VWA8: variants seen among roughly 807,000 people sequenced by gnomAD.
VWA8 encodes the protein von Willebrand factor A domain containing 8, also known as von Willebrand factor A domain-containing protein 8.
A neutral mutation model predicts 241.5 loss-of-function variants in VWA8; 221 were observed. The ratio of observed to expected loss-of-function variants is 0.91; its 90% CI spans 0.82 to 1.02. VWA8 has a LOEUF of 1.02. Among genes scored for constraint, VWA8 ranks in the 50% least tolerant of loss-of-function variants. The pLI, the probability that VWA8 is intolerant of heterozygous loss-of-function variation, is 0.00. For synonymous variants in VWA8, 852 were observed against 827.1 expected (o/e 1.03, Z -0.52); for missense variants, 2,322 against 2,328.7 (o/e 1.00, Z 0.06).
intron 44 of VWA8, 129 bp from the exon 45 acceptor site, chr13:41,568,434 C>T (rs1380644499): frequency 3.2e-6 from 2 of 623,090 alleles, no homozygotes; most frequent in Non-Finnish European, 5.7e-6. Context: ...ATACCTTGCT[C>T]TCTGCCTACC....
At chr13:41,572,093 G>T (rs2044310314) in intron 43 of VWA8, among the ~76,000 whole-genome samples, 1 of 150,854 alleles carries the variant, frequency 6.6e-6, no homozygotes, top group Non-Finnish European at 1.5e-5. Context: ...TCTGAGCAGT[G>T]AGGAGCCCCT....
intron 20 of VWA8, among the ~76,000 whole-genome samples, chr13:41,772,391 A>C (rs1255077811): frequency 6.6e-6 from 1 of 152,200 alleles, no homozygotes; most frequent in Non-Finnish European, 1.5e-5. Context: ...ACTGGTTAGA[A>C]AATAAATAGC....
intron 12 of VWA8, among the ~76,000 whole-genome samples, chr13:41,852,753 AAACT>A (rs1280370706): frequency 1.3e-5 from 2 of 152,148 alleles, no homozygotes; most frequent in African/African-American, 2.4e-5. Flanking sequence ...CCTTTGTTGA[AAACT>A]AACTAGCCAT....
Position 41,754,068 on chromosome 13 carries a change from T to C in VWA8, c.2426+7060A>G, listed in dbSNP as rs1041867050. Among the ~76,000 whole-genome samples, 19 of 152,198 alleles carry C rather than the reference T, an allele frequency of 1.2e-4. 1 individual carries two copies. The highest frequency in any genetic ancestry group is 4.3e-4 in the African/African-American group (18 of 41,532). ...AAAAAATTCCCCACACTGAAATTAG[T>C]AGGAGTGTCAGTCTAGTCAGTAAAA... On this transcript the variant is annotated intron_variant, in intron 21 of 44. Coordinates refer to ENST00000379310, the MANE Select transcript of VWA8 (RefSeq NM_015058.2).
chr13:41,656,431 G>A (rs959985093), intron 37 of VWA8, among the ~76,000 whole-genome samples: 4 of 152,074 alleles, frequency 2.6e-5, no homozygotes, highest in Non-Finnish European at 5.9e-5. Flanking sequence ...ATATGAGTGA[G>A]CTCTTTTTCT....
chr13:41,795,046 T>C (rs1319959009), intron 17 of VWA8, among the ~76,000 whole-genome samples: 5 of 152,126 alleles, frequency 3.3e-5, no homozygotes, highest in Non-Finnish European at 7.4e-5. Flanking sequence ...TTTTGCAATC[T>C]ATCCATCTGA....
At chr13:41,921,467 G>C (rs891750172) in intron 2 of VWA8, among the ~76,000 whole-genome samples, 1 of 152,148 alleles carries the variant, frequency 6.6e-6, no homozygotes, top group Non-Finnish European at 1.5e-5. Context: ...GAAATTAAGG[G>C]TATTCGATTA....
Position 41,691,408 on chromosome 13 carries a change from T to G in VWA8, c.3778A>C (p.Thr1260Pro). The G allele has an allele frequency of 2.5e-6, 4 of 1,612,728 alleles. No individual in the cohort carries two copies. The highest frequency in any genetic ancestry group is 3.4e-6 in the Non-Finnish European group (4 of 1,179,058). ...TTGATGGGAAGTGAGATGGTGTGAG[T>G]TCGCCCTTCTAGAACATCCAGCACA... ...LTVLDVLEGR[T>P]HTISLPINLK... Residue 1260 changes from threonine to proline, a missense_variant, in exon 32 of 45, where the codon ACT (threonine) becomes CCT (proline). Physicochemically the swap from Thr to Pro is conservative, Grantham distance 38 (BLOSUM62 -1). Coordinates refer to ENST00000379310, the MANE Select transcript of VWA8 (RefSeq NM_015058.2).
intron 17 of VWA8, among the ~76,000 whole-genome samples, chr13:41,799,484 A>G (rs141974868): frequency 6.6e-6 from 1 of 152,272 alleles, no homozygotes; most frequent in East Asian, 1.9e-4. Flanking sequence ...GGAGACAGTA[A>G]GCTTTCTCAT....
intron 24 of VWA8, 39 bp from the exon 25 acceptor site, chr13:41,721,614 A>G (rs762858904): frequency 1.9e-6 from 3 of 1,566,328 alleles, no homozygotes; most frequent in Non-Finnish European, 1.7e-6. Flanking sequence ...TATGCAACAA[A>G]TCCATTACGA....
intron 1 of VWA8, among the ~76,000 whole-genome samples, chr13:41,953,496 A>G (rs1045802123): frequency 3.9e-5 from 6 of 152,192 alleles, no homozygotes; most frequent in African/African-American, 1.4e-4. Flanking sequence ...CTGGACCATA[A>G]AGCAAGTCTC....
At chr13:41,611,364 T>C (rs1314345321) in intron 39 of VWA8, among the ~76,000 whole-genome samples, 1 of 152,208 alleles carries the variant, frequency 6.6e-6, no homozygotes, top group Non-Finnish European at 1.5e-5. Context: ...ATTTGAGCTT[T>C]AGATTTTAAG....
At chr13:41,749,247 T>C (rs1367988160) in intron 21 of VWA8, among the ~76,000 whole-genome samples, 1 of 152,004 alleles carries the variant, frequency 6.6e-6, no homozygotes, top group Non-Finnish European at 1.5e-5. Context: ...AAAAGACACA[T>C]GAAAAAGTGC....
chr13:41,617,720 A>G (rs1002058279), intron 37 of VWA8, among the ~76,000 whole-genome samples: 3 of 151,402 alleles, frequency 2.0e-5, no homozygotes, highest in Non-Finnish European at 4.4e-5. Flanking sequence ...ATTCCTACCT[A>G]TGAGTGAGAA....
intron 26 of VWA8, 39 bp downstream of exon 26, chr13:41,719,552 C>T (rs2045368802): frequency 6.2e-7 from 1 of 1,607,536 alleles, no homozygotes; most frequent in Admixed American, 1.7e-5. Flanking sequence ...CAAGAACTAT[C>T]AGCATTTAAG....
chr13:41,746,216 A>G (rs978376284), intron 21 of VWA8, among the ~76,000 whole-genome samples: 9 of 152,216 alleles, frequency 5.9e-5, no homozygotes, highest in Non-Finnish European at 2.9e-5. Context: ...TCAAACTAAA[A>G]AAGTAAATAA....
At chr13:41,896,807 A>G (rs7335919) in intron 4 of VWA8, among the ~76,000 whole-genome samples, 49,535 of 151,974 alleles carry the variant, frequency 0.33, 8,194 homozygotes, top group East Asian at 0.43. Context: ...ATGGTTGGTC[A>G]GAGTGCAAAA....
At chr13:41,907,828 T>C in intron 3 of VWA8, 132 bp from the exon 4 acceptor site, 1 of 690,572 alleles carries the variant, frequency 1.4e-6, no homozygotes, top group Non-Finnish European at 2.5e-6. Flanking sequence ...TTGAAACTTG[T>C]TGAATCTAAG....
intron 36 of VWA8, among the ~76,000 whole-genome samples, chr13:41,674,734 A>G (rs1353091085): frequency 6.6e-6 from 1 of 152,184 alleles, no homozygotes; most frequent in Non-Finnish European, 1.5e-5. Flanking sequence ...GTGAACAGTA[A>G]TAAGTCCTAT....
Sources: gnomAD v4.1 joint callset for allele counts (sites outside exome capture counted in the v4.1 genomes callset) on GRCh38, gnomAD v4.1.1 for gene constraint, MANE v1.5 for transcripts, NCBI Gene and HGNC (gene_info 2026-07-23, HGNC 2026-07-21) for gene names.